GNG7: variants seen among roughly 807,000 people sequenced by gnomAD.
GNG7 encodes G protein subunit gamma 7.
GNG7 carries 1 observed loss-of-function variant against 4.0 expected under a neutral mutation model. That is an observed-to-expected ratio of 0.25 (90% CI 0.09 to 1.18). The LOEUF is 1.18. Among genes scored for constraint, GNG7 ranks in the 50% most tolerant of loss-of-function variants. The pLI, the probability that GNG7 is intolerant of heterozygous loss-of-function variation, is 0.50. For missense variants in GNG7, 86 were observed against 91.9 expected (o/e 0.94, Z 0.26); for synonymous variants, 34 against 36.9 (o/e 0.92, Z 0.29).
chr19:2,656,000 G>A (rs1428720880), intron 1 of GNG7, among the ~76,000 whole-genome samples: 3 of 146,030 alleles, frequency 2.1e-5, no homozygotes, highest in Non-Finnish European at 4.5e-5. Flanking sequence ...ACTCCAGCCC[G>A]GGTGACAGAG....
intron 2 of GNG7, among the ~76,000 whole-genome samples, chr19:2,574,508 C>T (rs1980247647): frequency 6.6e-6 from 1 of 152,178 alleles, no homozygotes; most frequent in African/African-American, 2.4e-5. Context: ...TGGATCCTCT[C>T]ACTGAGCGTG....
chr19:2,528,829 TG>T (rs1355464153), intron 3 of GNG7, among the ~76,000 whole-genome samples: 6 of 152,252 alleles, frequency 3.9e-5, no homozygotes, highest in African/African-American at 1.4e-4. Context: ...CAGGTTCCTG[TG>T]TGAGGAAACA....
At chr19:2,684,989 C>T (rs1368056539) in intron 1 of GNG7, among the ~76,000 whole-genome samples, 1 of 151,842 alleles carries the variant, frequency 6.6e-6, no homozygotes, top group Admixed American at 6.6e-5. Context: ...ACAGGCGTGG[C>T]GGCACACGCC....
At chr19:2,700,350 C>G (rs1446300638) in intron 1 of GNG7, among the ~76,000 whole-genome samples, 1 of 152,102 alleles carries the variant, frequency 6.6e-6, no homozygotes, top group Non-Finnish European at 1.5e-5. Flanking sequence ...GCTATATTGG[C>G]CAGGCTGGTC....
chr19:2,696,808 G>C (rs1190230198), intron 1 of GNG7, among the ~76,000 whole-genome samples: 1 of 152,218 alleles, frequency 6.6e-6, no homozygotes, highest in Non-Finnish European at 1.5e-5. Context: ...GCTGGGGGAG[G>C]GGGTGGAGAG....
chr19:2,568,582 C>T (rs1302861708), intron 2 of GNG7, among the ~76,000 whole-genome samples: 1 of 133,398 alleles, frequency 7.5e-6, no homozygotes, highest in Non-Finnish European at 1.8e-5. Context: ...TACACATGCA[C>T]AAATACACAC....
intron 1 of GNG7, among the ~76,000 whole-genome samples, chr19:2,666,055 AG>A (rs1983302235): frequency 6.6e-6 from 1 of 151,978 alleles, no homozygotes; most frequent in Non-Finnish European, 1.5e-5. Context: ...TAGTAGAGAC[AG>A]GGTTTCACCA....
chr19:2,520,982 G>A (rs909277002), intron 3 of GNG7, among the ~76,000 whole-genome samples: 5 of 152,156 alleles, frequency 3.3e-5, no homozygotes, highest in African/African-American at 7.2e-5. Flanking sequence ...CAGGCTGGGC[G>A]TGGTGGCTCA....
At chr19:2,696,292 G>GAGAGAA (rs1555705038) in intron 1 of GNG7, among the ~76,000 whole-genome samples, 20 of 108,510 alleles carry the variant, frequency 1.8e-4, no homozygotes, top group Admixed American at 4.2e-4. Flanking sequence ...AAGAGAGAGA[G>GAGAGAA]AGAAAGAAAG....
chr19:2,532,163 A>AAAC lies in GNG7; in HGVS notation c.-37-11439_-37-11438insGTT, dbSNP rs1555691351. Reference sequence around the variant, plus strand: ...GAGACTCCGTCTCAAAAAAAAAAACAAAAAAAAAAACAAAAACCAGCACTA... The same window carrying AAAC: ...GAGACTCCGTCTCAAAAAAAAAAACAAACAAAAAAAAAACAAAAACCAGCACTA... On this transcript the variant is annotated intron_variant, in intron 3 of 4. Coordinates refer to ENST00000382159, the MANE Select transcript of GNG7 (RefSeq NM_052847.3). Among the ~76,000 whole-genome samples the AAAC allele has an allele frequency of 6.3e-4, 62 of 98,832 alleles. 2 individuals are homozygous for AAAC. Among genetic ancestry groups the AAAC allele is most frequent in the Admixed American group, 9.6e-4 (10 of 10,364 alleles). The allele number at this position is 98,832 out of a possible 152,430, so 64.8% of individuals were successfully genotyped here. A position where few individuals can be genotyped will look rare whatever the true frequency, so the allele number is the denominator to read the frequency against.
intron 1 of GNG7, among the ~76,000 whole-genome samples, chr19:2,686,767 T>C (rs1057415058): frequency 1.1e-4 from 16 of 150,954 alleles, no homozygotes; most frequent in Admixed American, 3.3e-4. Context: ...TTTTTTTTTT[T>C]TTGAGACAGA....
chr19:2,629,349 G>T (rs528355659), intron 2 of GNG7, among the ~76,000 whole-genome samples: 1 of 152,170 alleles, frequency 6.6e-6, no homozygotes, highest in Admixed American at 6.5e-5. Flanking sequence ...GCGCTTGGTG[G>T]CTCTTCTGCA....
intron 2 of GNG7, among the ~76,000 whole-genome samples, chr19:2,591,427 C>G (rs957210973): frequency 6.9e-6 from 1 of 145,738 alleles, no homozygotes; most frequent in Non-Finnish European, 1.5e-5. Flanking sequence ...TAGTATGTCA[C>G]TGTTTTCGTA....
At position 2,541,328 on chromosome 19, in the gene GNG7, A is replaced by G. The variant is rs756207270; in HGVS notation, c.-38+13821T>C. On this transcript the variant is annotated intron_variant, in intron 3 of 4. Coordinates refer to ENST00000382159, the MANE Select transcript of GNG7 (RefSeq NM_052847.3). ...CTCTAAAATAAAAAAATAAAAATAA[A>G]TGTTCTTGGGGAAGCGAAGCCGAAT... Among the ~76,000 whole-genome samples the G allele has an allele frequency of 1.4e-3, 219 of 152,108 alleles. 2 individuals are homozygous for G. The highest frequency in any genetic ancestry group is 5.1e-3 in the African/African-American group (212 of 41,516).
In GNG7 at chr19:2,511,280, A is replaced by T. The variant is rs986199470; in HGVS notation, c.*3742T>A. ...CACGTGGTATCGACAACTCCACACA[A>T]TATTAAAACACTGCGAGAAAGTGGG... On this transcript the variant is annotated 3_prime_UTR_variant, in exon 5 of 5. Coordinates refer to ENST00000382159, the MANE Select transcript of GNG7 (RefSeq NM_052847.3). This position sits in a 1 kb window ranked among gnomAD's most constrained non-coding sequence, Gnocchi z 6.3. 6.6e-6 allele frequency: 1 copy of T among 152,268 alleles called. No homozygotes were observed. Among genetic ancestry groups the T allele is most frequent in the African/African-American group, 2.4e-5 (1 of 41,456 alleles). 9.4% of individuals were successfully genotyped at this position (152,268 alleles called of 1,614,324 possible). A position where few individuals can be genotyped will look rare whatever the true frequency, so the allele number is the denominator to read the frequency against.
At chr19:2,577,725 A>G (rs1486918026) in intron 2 of GNG7, among the ~76,000 whole-genome samples, 1 of 150,784 alleles carries the variant, frequency 6.6e-6, no homozygotes, top group Non-Finnish European at 1.5e-5. Context: ...AAAAAAAATC[A>G]GCGTAATATT....
At chr19:2,548,384 G>A (rs1979196689) in intron 3 of GNG7, among the ~76,000 whole-genome samples, 1 of 151,164 alleles carries the variant, frequency 6.6e-6, no homozygotes, top group Non-Finnish European at 1.5e-5. Context: ...GGGAGGCTAA[G>A]GCAGGAGAAT....
At chr19:2,594,550 C>T (rs1433782934) in intron 2 of GNG7, among the ~76,000 whole-genome samples, 1 of 152,160 alleles carries the variant, frequency 6.6e-6, no homozygotes, top group Admixed American at 6.6e-5. Context: ...AGTGTCGTCA[C>T]CTCCTGCAAC....
chr19:2,570,570 G>A (rs1980115184), intron 2 of GNG7, among the ~76,000 whole-genome samples: 1 of 152,118 alleles, frequency 6.6e-6, no homozygotes, highest in Non-Finnish European at 1.5e-5. Flanking sequence ...GAACTCATGA[G>A]AGCAAAGGAG....
Sources: allele counts gnomAD v4.1 joint callset (sites outside exome capture counted in the v4.1 genomes callset), GRCh38; gene constraint gnomAD v4.1.1; non-coding constraint Gnocchi (gnomAD v3.1); transcripts MANE v1.5; gene names NCBI Gene and HGNC (gene_info 2026-07-23, HGNC 2026-07-21).